GRK3: variants seen among roughly 807,000 people sequenced by gnomAD.
GRK3 encodes the protein G protein-coupled receptor kinase 3.
GRK3 carries 54 observed loss-of-function variants against 95.7 expected under a neutral mutation model. That is an observed-to-expected ratio of 0.56 (90% CI 0.45 to 0.71). The LOEUF is 0.71. Ranked by LOEUF, GRK3 falls within the 30% of genes least tolerant of loss-of-function variation. The pLI is 0.00. For missense variants in GRK3, 649 were observed against 851.2 expected (o/e 0.76, Z 2.96); for synonymous variants, 281 against 290.8 (o/e 0.97, Z 0.34).
intron 2 of GRK3, among the ~76,000 whole-genome samples, chr22:25,629,860 A>G (rs2084652647): frequency 6.6e-6 from 1 of 152,180 alleles, no homozygotes; most frequent in South Asian, 2.1e-4. Context: ...GCTGTCATCT[A>G]AGGAAGGAAC....
intron 2 of GRK3, 46 bp downstream of exon 2, chr22:25,604,499 A>C (rs79965875): frequency 1.5e-6 from 2 of 1,363,574 alleles, no homozygotes; most frequent in African/African-American, 2.9e-5. Context: ...TTAGTGATGA[A>C]ATTGGGCGAT....
At chr22:25,706,533 T>A (rs1048692109) in intron 15 of GRK3, among the ~76,000 whole-genome samples, 1 of 152,134 alleles carries the variant, frequency 6.6e-6, no homozygotes, top group Non-Finnish European at 1.5e-5. Context: ...TTTTACTTTT[T>A]ATTTTTTATT....
intron 2 of GRK3, among the ~76,000 whole-genome samples, chr22:25,604,679 A>G (rs1227592882): frequency 6.6e-6 from 1 of 152,256 alleles, no homozygotes; most frequent in African/African-American, 2.4e-5. Context: ...GGATTTTTAC[A>G]TGAACTCAGC....
At chr22:25,647,581 A>G in intron 3 of GRK3, 3 of 1,559,468 alleles carry the variant, frequency 1.9e-6, no homozygotes, top group African/African-American at 1.4e-5. Context: ...AGCTAGAACT[A>G]CAGAAGACCT....
intron 1 of GRK3, among the ~76,000 whole-genome samples, chr22:25,587,644 C>T (rs1307435663): frequency 1.3e-5 from 2 of 151,968 alleles, no homozygotes; most frequent in Non-Finnish European, 2.9e-5. Flanking sequence ...GGCTGTATCC[C>T]CACCCAAATC....
At chr22:25,624,542 T>C (rs2146361518) in intron 2 of GRK3, among the ~76,000 whole-genome samples, 1 of 152,142 alleles carries the variant, frequency 6.6e-6, no homozygotes, top group East Asian at 1.9e-4. Context: ...CCAGCCTGGG[T>C]GACAGAGTGA....
At chr22:25,704,548 C>T (rs1308421231) in intron 15 of GRK3, among the ~76,000 whole-genome samples, 1 of 152,154 alleles carries the variant, frequency 6.6e-6, no homozygotes, top group Non-Finnish European at 1.5e-5. Context: ...GTAGCTAGGA[C>T]CACTGGGGTG....
At position 25,678,583 on chromosome 22, in the gene GRK3, T is replaced by A. The variant is rs371465107; in HGVS notation, c.648-233T>A. ...TTATGTCCATCTACTTTATCATTTA[T>A]TTAACTGGGACTTCTATCCATTTAA... is the stretch of plus-strand genomic sequence containing the variant. On this transcript the variant is annotated intron_variant, in intron 8 of 20. Transcript: ENST00000324198. Among the ~76,000 whole-genome samples the A allele has an allele frequency of 5.2e-4, 79 of 152,400 alleles. 2 individuals are homozygous for A. In the South Asian group the frequency reaches 0.016, roughly 32 times the overall value.
chr22:25,660,046 A>G (rs1007118096), intron 3 of GRK3, among the ~76,000 whole-genome samples: 1 of 152,172 alleles, frequency 6.6e-6, no homozygotes, highest in Non-Finnish European at 1.5e-5. Flanking sequence ...AGAGGCAGAA[A>G]CTTTTGCCTT....
chr22:25,631,228 T>C (rs1426036156), intron 2 of GRK3, among the ~76,000 whole-genome samples: 1 of 152,234 alleles, frequency 6.6e-6, no homozygotes, highest in Non-Finnish European at 1.5e-5. Flanking sequence ...ATCTACACTT[T>C]CCCTTATTTT....
At chr22:25,632,656 T>C (rs1170961690) in intron 2 of GRK3, among the ~76,000 whole-genome samples, 2 of 151,748 alleles carry the variant, frequency 1.3e-5, no homozygotes, top group African/African-American at 4.9e-5. Context: ...TGAAGATTTA[T>C]ATTTAATTCT....
At chr22:25,595,781 C>CA (rs113221159) in intron 1 of GRK3, among the ~76,000 whole-genome samples, 3,976 of 143,942 alleles carry the variant, frequency 0.028, 52 homozygotes, top group African/African-American at 0.041. Flanking sequence ...ACTCTGTCTC[C>CA]AAAAAAAAAA....
intron 13 of GRK3, among the ~76,000 whole-genome samples, chr22:25,699,593 T>C (rs2085239975): frequency 6.6e-6 from 1 of 152,130 alleles, no homozygotes; most frequent in Admixed American, 6.5e-5. Context: ...TGAGGACCAC[T>C]GCCCCAGAGC....
intron 1 of GRK3, among the ~76,000 whole-genome samples, chr22:25,567,782 A>G (rs1473775029): frequency 4.6e-5 from 7 of 152,132 alleles, no homozygotes; most frequent in Non-Finnish European, 2.9e-5. Flanking sequence ...TCCTTATTTT[A>G]GTTACTTTGC....
intron 12 of GRK3, among the ~76,000 whole-genome samples, chr22:25,690,562 G>C (rs915595988): frequency 6.6e-6 from 1 of 152,128 alleles, no homozygotes; most frequent in African/African-American, 2.4e-5. Context: ...CATGCTACCT[G>C]TGTGACCCTA....
At chr22:25,698,145 G>A (rs1455938000) in intron 13 of GRK3, among the ~76,000 whole-genome samples, 2 of 147,582 alleles carry the variant, frequency 1.4e-5, no homozygotes, top group African/African-American at 2.5e-5. Flanking sequence ...GAGGGAGGAA[G>A]GAAGGAAGGA....
intron 2 of GRK3, among the ~76,000 whole-genome samples, chr22:25,628,924 C>T (rs1055688496): frequency 6.6e-6 from 1 of 152,118 alleles, no homozygotes; most frequent in African/African-American, 2.4e-5. Context: ...CCCCACTTCC[C>T]TGAAAAGATG....
chr22:25,670,291 C>G lies in GRK3; in HGVS notation c.504-2005C>G, dbSNP rs1378812896. On this transcript the variant is annotated intron_variant, in intron 6 of 20. Coordinates refer to ENST00000324198, the MANE Select transcript of GRK3 (RefSeq NM_005160.4). ...GCAGGATCGCTTCAGGCTAGGGCTT[C>G]GACACCAGCCTGTACAACATAGCAA... Among the ~76,000 whole-genome samples the G allele has an allele frequency of 2.0e-5, 3 of 151,924 alleles. No individual in the cohort carries two copies. In the East Asian group the frequency reaches 5.8e-4, roughly 29 times the overall value.
intron 6 of GRK3, among the ~76,000 whole-genome samples, chr22:25,670,680 C>A (rs1306391552): frequency 6.6e-6 from 1 of 151,950 alleles, no homozygotes; most frequent in East Asian, 1.9e-4. Context: ...ATGCCAGGGG[C>A]AAAATGAGAT....
Sources: gnomAD v4.1 joint callset for allele counts (sites outside exome capture counted in the v4.1 genomes callset) on GRCh38, gnomAD v4.1.1 for gene constraint, MANE v1.5 for transcripts, NCBI Gene and HGNC (gene_info 2026-07-23, HGNC 2026-07-21) for gene names.